Variants in SCLT1 observed in about 807,000 individuals in gnomAD.
SCLT1 encodes sodium channel-associated protein 1.
A neutral mutation model predicts 112.8 loss-of-function variants in SCLT1; 78 were observed. The observed-to-expected ratio is 0.69, with a 90% CI of 0.58 to 0.83. The LOEUF is 0.83. Ranked by LOEUF, SCLT1 falls within the 40% of genes least tolerant of loss-of-function variation. SCLT1 has a pLI of 0.00. For synonymous variants in SCLT1, 257 were observed against 254.7 expected, an observed-to-expected ratio of 1.01 and a Z score of -0.09; for missense variants, 747 against 770.4, an observed-to-expected ratio of 0.97 and a Z score of 0.36.
At chr4:128,995,556 A>G (rs960242739) in intron 8 of SCLT1, among the ~76,000 whole-genome samples, 4 of 152,106 alleles carry the variant, frequency 2.6e-5, no homozygotes, top group African/African-American at 9.7e-5. Flanking sequence ...CACCTCTCCC[A>G]GTCTTCACAG....
intron 17 of SCLT1, among the ~76,000 whole-genome samples, chr4:128,938,253 C>G (rs770681913): frequency 9.9e-5 from 15 of 152,160 alleles, no homozygotes; most frequent in Non-Finnish European, 1.8e-4. Flanking sequence ...ATGAGATCAA[C>G]TTTAGTGTGT....
At chr4:129,019,665 G>GAA (rs777255723) in intron 5 of SCLT1, among the ~76,000 whole-genome samples, 5 of 139,752 alleles carry the variant, frequency 3.6e-5, no homozygotes, top group Admixed American at 1.4e-4. Context: ...TTATATAAAT[G>GAA]AAAAAAAAAA....
intron 2 of SCLT1, among the ~76,000 whole-genome samples, chr4:129,066,181 A>T (rs1335198361): frequency 6.6e-6 from 1 of 152,090 alleles, no homozygotes; most frequent in Non-Finnish European, 1.5e-5. Flanking sequence ...ATTAAAAGTT[A>T]AAATTTTTCT....
intron 9 of SCLT1, among the ~76,000 whole-genome samples, chr4:128,980,181 C>T (rs769185818): frequency 1.1e-4 from 16 of 152,128 alleles, no homozygotes; most frequent in Non-Finnish European, 1.8e-4. Context: ...TTCCAAGACA[C>T]ACTATGAATC....
At chr4:129,090,895 T>C (rs1466738262) in intron 1 of SCLT1, among the ~76,000 whole-genome samples, 4 of 152,124 alleles carry the variant, frequency 2.6e-5, no homozygotes. Flanking sequence ...GAAATAGTAA[T>C]TATCAGAGGA....
At chr4:128,935,371 T>A (rs1737099086) in intron 18 of SCLT1, among the ~76,000 whole-genome samples, 1 of 152,016 alleles carries the variant, frequency 6.6e-6, no homozygotes, top group South Asian at 2.1e-4. Flanking sequence ...AATTAGAAGG[T>A]CCATTCTCAG....
At chr4:129,007,458 G>A (rs1304536465) in intron 5 of SCLT1, among the ~76,000 whole-genome samples, 1 of 151,938 alleles carries the variant, frequency 6.6e-6, no homozygotes, top group African/African-American at 2.4e-5. Flanking sequence ...ATATCTTTTG[G>A]GCAAATATAA....
chr4:128,894,413 C>G (rs1156581152), intron 18 of SCLT1, among the ~76,000 whole-genome samples: 1 of 125,676 alleles, frequency 8.0e-6, no homozygotes, highest in African/African-American at 3.0e-5. Context: ...CACACACACA[C>G]AGAGTATATG....
intron 18 of SCLT1, among the ~76,000 whole-genome samples, chr4:128,927,912 A>G (rs1736428149): frequency 6.6e-6 from 1 of 152,100 alleles, no homozygotes; most frequent in African/African-American, 2.4e-5. Flanking sequence ...AATATCAGGA[A>G]TGCAAAAGGA....
rs759583090 is a variant in SCLT1, at chr4:128,957,139, C to A, written c.1048-15G>T. 7.1e-7 allele frequency: 1 copy of A among 1,411,712 alleles called. No homozygotes were observed. The allele number at this position is 1,411,712 out of a possible 1,614,324, so 87.4% of individuals were successfully genotyped here. ...TCAAGTAGAGCCTTCAGAAAATAATCATTTCATGTTATAGATAACATTATT... is the reference window on the plus strand; with the variant it reads ...TCAAGTAGAGCCTTCAGAAAATAATAATTTCATGTTATAGATAACATTATT... On this transcript the variant is annotated splice_polypyrimidine_tract_variant and intron_variant, in intron 12 of 20. Coordinates refer to ENST00000281142, the MANE Select transcript of SCLT1 (RefSeq NM_144643.4).
chr4:129,060,611 TG>T lies in SCLT1; in HGVS notation c.103-16561del, dbSNP rs1226082835. 2.0e-5 allele frequency among the ~76,000 whole-genome samples: 3 copies of T among 152,276 alleles called. No individual in the cohort carries two copies. In the East Asian group the frequency reaches 5.8e-4, roughly 29 times the overall value. ...AGCTGTAATTAATGTCAGCAGTAAC[TG>T]TGGGTTTCTTAGTGGCCTAGGCTGT... On this transcript the variant is annotated intron_variant, in intron 2 of 20. Transcript: ENST00000281142.
intron 18 of SCLT1, among the ~76,000 whole-genome samples, chr4:128,892,263 T>C (rs1376676602): frequency 6.6e-6 from 1 of 152,224 alleles, no homozygotes; most frequent in Non-Finnish European, 1.5e-5. Flanking sequence ...TCTGAACAAA[T>C]ATCAGATAAA....
intron 18 of SCLT1, among the ~76,000 whole-genome samples, chr4:128,923,419 T>A (rs960664568): frequency 8.4e-6 from 1 of 119,092 alleles, no homozygotes; most frequent in Non-Finnish European, 1.6e-5. Context: ...CACTCCAGCC[T>A]GGGTGACAGA....
rs1251147398 is a variant in SCLT1, at chr4:128,973,820, G to A, written c.687-3352C>T. Among the ~76,000 whole-genome samples, 3 of 151,892 alleles carry A rather than the reference G, an allele frequency of 2.0e-5. No individual in the cohort carries two copies. The East Asian group carries it at 5.8e-4, about 29-fold the overall frequency. ...AAACCACAAATACTATTTTTTTGGG[G>A]GGAAATAAGTAGTGGTTTTAAATAT... On this transcript the variant is annotated intron_variant, in intron 9 of 20. Transcript: ENST00000281142.
rs1233253067 is a variant in SCLT1, at chr4:129,039,900, G to GCGCA, written c.235-805_235-804insTGCG. 159 of 219,020 alleles carry GCGCA rather than the reference G, an allele frequency of 7.3e-4. 1 individual carries two copies. Among genetic ancestry groups the GCGCA allele is most frequent in the Admixed American group, 3.5e-3 (65 of 18,478 alleles). The allele number at this position is 219,020 out of a possible 1,614,324, so 13.6% of individuals were successfully genotyped here. On this transcript the variant is annotated intron_variant, in intron 4 of 20. Coordinates refer to ENST00000281142, the MANE Select transcript of SCLT1 (RefSeq NM_144643.4). ...GAGCAAATGGAGAGTGTGCGCGCGC[G>GCGCA]CACACACACACACACACACACACAC...
intron 20 of SCLT1, among the ~76,000 whole-genome samples, chr4:128,887,005 T>C (rs1323058621): frequency 5.3e-5 from 8 of 152,244 alleles, no homozygotes; most frequent in African/African-American, 1.9e-4. Flanking sequence ...CTTACCACTA[T>C]AGGAAATGCT....
In SCLT1 at chr4:129,024,118, G is replaced by C. The variant is rs542859889; in HGVS notation, c.290+14923C>G. On this transcript the variant is annotated intron_variant, in intron 5 of 20. Coordinates refer to ENST00000281142, the MANE Select transcript of SCLT1 (RefSeq NM_144643.4). ...GCTCCACCTCTGGGGGCAGGGCACA[G>C]ACAAACAAAAAGACAGCAGTAACCT... Among the ~76,000 whole-genome samples, 1,209 of 152,310 alleles carry C rather than the reference G, an allele frequency of 7.9e-3. 14 individuals are homozygous for C. Among genetic ancestry groups the C allele is most frequent in the African/African-American group, 0.028 (1,158 of 41,568 alleles).
Position 129,093,490 on chromosome 4 carries a change from A to T in SCLT1, c.-387T>A, listed in dbSNP as rs1215605755. The T allele has an allele frequency of 4.7e-6, 1 of 212,446 alleles. No individual in the cohort carries two copies. The highest frequency in any genetic ancestry group is 9.5e-6 in the Non-Finnish European group (1 of 105,598). 13.2% of individuals were successfully genotyped at this position (212,446 alleles called of 1,614,324 possible). A position where few individuals can be genotyped will look rare whatever the true frequency, so the allele number is the denominator to read the frequency against. On this transcript the variant is annotated 5_prime_UTR_variant, in exon 1 of 21. Coordinates refer to ENST00000281142, the MANE Select transcript of SCLT1 (RefSeq NM_144643.4). ...TTCTACGCGGAGCGGCGGGGGTTGG[A>T]GAGGACAACGCCAAGACGGCTGGGA... is the stretch of plus-strand genomic sequence containing the variant.
Position 129,017,660 on chromosome 4 carries a change from A to G in SCLT1, c.291-13784T>C, listed in dbSNP as rs139457805. Among the ~76,000 whole-genome samples, 1,030 of 152,310 alleles carry G rather than the reference A, an allele frequency of 6.8e-3. 8 individuals are homozygous for G. Among genetic ancestry groups the G allele is most frequent in the Non-Finnish European group, 0.011 (716 of 68,012 alleles). On this transcript the variant is annotated intron_variant, in intron 5 of 20. Transcript: ENST00000281142. ...AATTTTGGTTCCAGTTGTATTTATT[A>G]AAATACATAAGCAAGTCAAAATGTA...
Sources: gnomAD v4.1 joint callset for allele counts (sites outside exome capture counted in the v4.1 genomes callset) on GRCh38, gnomAD v4.1.1 for gene constraint, MANE v1.5 for transcripts, NCBI Gene and HGNC (gene_info 2026-07-23, HGNC 2026-07-21) for gene names.